Variants in EPHA6 observed in about 807,000 individuals in gnomAD.
EPHA6 encodes the protein ephrin type-A receptor 6.
EPHA6 carries 50 observed loss-of-function variants against 112.0 expected under a neutral mutation model. The ratio of observed to expected loss-of-function variants is 0.45; its 90% confidence interval spans 0.36 to 0.56. The LOEUF (loss-of-function observed/expected upper bound fraction) is 0.56, where lower values mean the gene tolerates loss of function less well. EPHA6 is among the 20% of genes least tolerant of loss of function. The probability of loss-of-function intolerance (pLI) is 0.00; values close to 1 mark genes in which losing one functional copy is unlikely to be tolerated. For synonymous variants in EPHA6, 529 were observed against 490.7 expected (o/e 1.08, Z -1.03); for missense variants, 1,280 against 1,417.4 (o/e 0.90, Z 1.56).
At chr3:97,057,324 G>A (rs905081260) in intron 3 of EPHA6, among the ~76,000 whole-genome samples, 4 of 152,182 alleles carry the variant, frequency 2.6e-5, no homozygotes, top group Admixed American at 2.0e-4. Flanking sequence ...TACACTGCTG[G>A]CCTCTTCCAG....
intron 2 of EPHA6, among the ~76,000 whole-genome samples, chr3:96,977,528 G>T (rs1285533248): frequency 1.3e-5 from 2 of 152,082 alleles, no homozygotes; most frequent in African/African-American, 2.4e-5. Flanking sequence ...AGTAACAAAA[G>T]ATTTATCATT....
At chr3:96,906,436 C>T (rs2038937698) in intron 2 of EPHA6, among the ~76,000 whole-genome samples, 1 of 152,030 alleles carries the variant, frequency 6.6e-6, no homozygotes, top group Non-Finnish European at 1.5e-5. Context: ...CTAACACCTA[C>T]TCCGCAATGC....
At chr3:97,435,192 C>T (rs1285866084) in intron 6 of EPHA6, among the ~76,000 whole-genome samples, 8 of 151,990 alleles carry the variant, frequency 5.3e-5, no homozygotes, top group Non-Finnish European at 1.2e-4. Flanking sequence ...AATTTACAAA[C>T]ATCTTTATTT....
chr3:97,468,964 T>A (rs2091144452), intron 7 of EPHA6, among the ~76,000 whole-genome samples: 1 of 151,712 alleles, frequency 6.6e-6, no homozygotes, highest in Non-Finnish European at 1.5e-5. Flanking sequence ...TAATTTAAGT[T>A]TTTGGCCAGG....
chr3:97,341,677 ATTAGATCATATATATAAAATTCATTCT>A (rs1470894905), intron 5 of EPHA6, among the ~76,000 whole-genome samples: 3 of 152,280 alleles, frequency 2.0e-5, no homozygotes, highest in East Asian at 3.9e-4. Flanking sequence ...TATAGGAAAC[ATTAGATCATATATATAAAATTCATTCT>A]TTATAATTCA....
At chr3:97,025,382 A>G (rs1431925760) in intron 3 of EPHA6, among the ~76,000 whole-genome samples, 12 of 152,184 alleles carry the variant, frequency 7.9e-5, no homozygotes, top group Non-Finnish European at 1.6e-4. Flanking sequence ...CTTTGGGTAG[A>G]AAAATTTTAT....
chr3:97,706,660 A>G (rs1439992136), intron 14 of EPHA6, among the ~76,000 whole-genome samples: 1 of 152,092 alleles, frequency 6.6e-6, no homozygotes, highest in Non-Finnish European at 1.5e-5. Flanking sequence ...GGGGTGTCCT[A>G]GTCTTTTTGT....
At chr3:97,324,451 TTC>T (rs1491451841) in intron 5 of EPHA6, among the ~76,000 whole-genome samples, 1 of 148,606 alleles carries the variant, frequency 6.7e-6, no homozygotes. Flanking sequence ...CTTTCTTTCT[TTC>T]TTTCTTTCTT....
At chr3:97,265,134 G>C (rs1426082392) in intron 5 of EPHA6, among the ~76,000 whole-genome samples, 1 of 152,080 alleles carries the variant, frequency 6.6e-6, no homozygotes, top group Admixed American at 6.5e-5. Context: ...GGCTTCAGAG[G>C]GAAGGAAGTG....
intron 3 of EPHA6, among the ~76,000 whole-genome samples, chr3:97,099,976 A>G (rs1227686746): frequency 6.6e-6 from 1 of 151,990 alleles, no homozygotes; most frequent in African/African-American, 2.4e-5. Flanking sequence ...GTTGGAGAAA[A>G]TTAAAAACAA....
chr3:96,886,974 C>T (rs1247675701), intron 2 of EPHA6, among the ~76,000 whole-genome samples: 2 of 152,106 alleles, frequency 1.3e-5, no homozygotes, highest in Non-Finnish European at 2.9e-5. Context: ...TTGAATATTT[C>T]TACCTTAACT....
At chr3:97,100,732 C>T (rs1466244275) in intron 3 of EPHA6, among the ~76,000 whole-genome samples, 1 of 151,938 alleles carries the variant, frequency 6.6e-6, no homozygotes, top group African/African-American at 2.4e-5. Flanking sequence ...TTACTCTGAA[C>T]ATTATCAAAG....
chr3:96,930,705 T>C (rs1473020735), intron 2 of EPHA6, among the ~76,000 whole-genome samples: 4 of 152,004 alleles, frequency 2.6e-5, no homozygotes, highest in African/African-American at 9.7e-5. Flanking sequence ...TAAAATAAGC[T>C]GTCTAGCTGG....
At chr3:96,871,668 T>C (rs1305204373) in intron 2 of EPHA6, among the ~76,000 whole-genome samples, 1 of 152,100 alleles carries the variant, frequency 6.6e-6, no homozygotes, top group Non-Finnish European at 1.5e-5. Context: ...AAAAATGCTA[T>C]TTTGTGTACT....
At chr3:97,550,610 A>C (rs192919890) in intron 11 of EPHA6, among the ~76,000 whole-genome samples, 1 of 152,336 alleles carries the variant, frequency 6.6e-6, no homozygotes, top group East Asian at 1.9e-4. Context: ...GCAAGAATTA[A>C]AACATCTCTG....
chr3:97,295,376 T>A (rs2080837773), intron 5 of EPHA6, among the ~76,000 whole-genome samples: 1 of 152,060 alleles, frequency 6.6e-6, no homozygotes, highest in Non-Finnish European at 1.5e-5. Flanking sequence ...CTAAATGTAT[T>A]TTTTATTTCA....
intron 11 of EPHA6, among the ~76,000 whole-genome samples, chr3:97,542,117 G>A (rs2164771): frequency 0.023 from 3,530 of 150,232 alleles, 108 homozygotes; most frequent in African/African-American, 0.073. Flanking sequence ...TATACTTTAC[G>A]TTTTAGGGTA....
chr3:97,326,676 G>T lies in EPHA6; in HGVS notation c.1607-78474G>T, dbSNP rs541559188. On this transcript the variant is annotated intron_variant, in intron 5 of 17. Transcript: ENST00000389672. ...CGTTTTAGGTTTCAGTCAAGCAAAT[G>T]GTCTTGGTAGAAATTGGATGCACAC... is the stretch of plus-strand genomic sequence containing the variant. Among the ~76,000 whole-genome samples the T allele has an allele frequency of 1.6e-4, 24 of 152,086 alleles. 1 individual carries two copies. In the South Asian group the frequency reaches 3.9e-3, roughly 25 times the overall value.
intron 3 of EPHA6, among the ~76,000 whole-genome samples, chr3:97,041,719 C>T (rs147135293): frequency 3.9e-4 from 59 of 152,056 alleles, no homozygotes; most frequent in South Asian, 3.3e-3. Flanking sequence ...CCTTAGGAAA[C>T]GTACAGTCAT....
Sources: allele counts gnomAD v4.1 joint callset (sites outside exome capture counted in the v4.1 genomes callset), GRCh38; gene constraint gnomAD v4.1.1; transcripts MANE v1.5; gene names NCBI Gene and HGNC (gene_info 2026-07-23, HGNC 2026-07-21).